The following NOS1 variants were observed in gnomAD, a reference collection of about 807,000 sequenced individuals.
NOS1 encodes nitric oxide synthase 1.
In NOS1, 51 loss-of-function variants were observed where a neutral mutation model predicts 164.5. That is an observed-to-expected ratio of 0.31 (90% CI 0.25 to 0.39). NOS1 has a LOEUF of 0.39. NOS1 is among the 10% of genes least tolerant of loss of function. NOS1 has a pLI of 1.00. For synonymous variants in NOS1, 719 were observed against 745.8 expected, an observed-to-expected ratio of 0.96 and a Z score of 0.59; for missense variants, 1,362 against 1,885.6, an observed-to-expected ratio of 0.72 and a Z score of 5.14.
intron 3 of NOS1, among the ~76,000 whole-genome samples, chr12:117,302,655 A>G (rs1473608062): frequency 4.0e-5 from 6 of 151,166 alleles, no homozygotes; most frequent in African/African-American, 7.3e-5. Context: ...TTGGCGCTGG[A>G]TTCCTGGCCT....
chr12:117,215,397 GA>G (rs760368121), intron 28 of NOS1, 73 bp from the exon 29 acceptor site: 602 of 1,429,566 alleles, frequency 4.2e-4, no homozygotes, highest in Non-Finnish European at 5.1e-4. Context: ...GTGCCCCAGA[GA>G]AAATCACCCA....
Position 117,240,011 on chromosome 12 carries a change from TCAAAACATTTG to T in NOS1, c.3041+2605_3041+2615del, listed in dbSNP as rs1361526985. On this transcript the variant is annotated intron_variant, in intron 20 of 28. Transcript: ENST00000317775. ...TTGGGACTTTTGGTTCCACTTAGTATCAAAACATTTGCAAGTTTCCTTACTACTTATGTACT... is the reference window on the plus strand; with the variant it reads ...TTGGGACTTTTGGTTCCACTTAGTATCAAGTTTCCTTACTACTTATGTACT... 2.6e-5 allele frequency among the ~76,000 whole-genome samples: 4 copies of T among 152,260 alleles called. No individual in the cohort carries two copies. In the East Asian group the frequency reaches 7.7e-4, roughly 29 times the overall value.
intron 2 of NOS1, among the ~76,000 whole-genome samples, chr12:117,321,492 A>G (rs552892245): frequency 3.9e-5 from 6 of 152,236 alleles, no homozygotes; most frequent in Non-Finnish European, 5.9e-5. Flanking sequence ...GGCTTATCCC[A>G]TGGCTCTTCC....
intron 4 of NOS1, among the ~76,000 whole-genome samples, chr12:117,289,951 C>A (rs9658330): frequency 9.9e-5 from 15 of 152,098 alleles, no homozygotes; most frequent in African/African-American, 2.2e-4. Flanking sequence ...GACTTTCCCC[C>A]CTCCCTGTGT....
intron 3 of NOS1, among the ~76,000 whole-genome samples, chr12:117,296,962 C>A (rs1873457820): frequency 6.6e-6 from 1 of 152,232 alleles, no homozygotes; most frequent in South Asian, 2.1e-4. Flanking sequence ...TGATCTTGGA[C>A]TTCCAACCCC....
chr12:117,313,443 C>T (rs529132138), intron 2 of NOS1, among the ~76,000 whole-genome samples: 57 of 152,080 alleles, frequency 3.7e-4, no homozygotes, highest in Non-Finnish European at 7.4e-4. Context: ...TACAGGCGTG[C>T]ACCACCCTGC....
chr12:117,293,678 CTACTTGTATTAT>C (rs1335313473), intron 3 of NOS1, among the ~76,000 whole-genome samples: 4 of 151,406 alleles, frequency 2.6e-5, no homozygotes, highest in African/African-American at 9.7e-5. Context: ...ATTATTATTA[CTACTTGTATTAT>C]TACTTGTATT....
In NOS1 at chr12:117,260,680, T is replaced by C. The variant is rs1335673997; in HGVS notation, c.2223-71A>G. 1.2e-5 allele frequency: 19 copies of C among 1,520,670 alleles called. No homozygotes were observed. The East Asian group carries it at 2.3e-4, about 18-fold the overall frequency. The allele number at this position is 1,520,670 out of a possible 1,614,324, so 94.2% of individuals were successfully genotyped here. On this transcript the variant is annotated intron_variant, in intron 13 of 28. Coordinates refer to ENST00000317775, the MANE Select transcript of NOS1 (RefSeq NM_000620.5). ...GAGAGAAGATGCTGGATTGGGACTTTCGTGCAAGAACCAGGATCCATGAAA... is the reference window on the plus strand; with the variant it reads ...GAGAGAAGATGCTGGATTGGGACTTCCGTGCAAGAACCAGGATCCATGAAA...
chr12:117,265,128 G>A (rs972006623), intron 12 of NOS1, among the ~76,000 whole-genome samples, 188 bp downstream of exon 12: 1 of 152,144 alleles, frequency 6.6e-6, no homozygotes, highest in Non-Finnish European at 1.5e-5. Flanking sequence ...TTATAGGCAT[G>A]AGCCATCATG....
At chr12:117,345,450 A>G (rs941927554) in intron 1 of NOS1, among the ~76,000 whole-genome samples, 12 of 152,208 alleles carry the variant, frequency 7.9e-5, no homozygotes, top group South Asian at 2.1e-4. Context: ...CTGAGGATCG[A>G]TAACAGGGTA....
intron 6 of NOS1, 70 bp downstream of exon 6, chr12:117,286,034 G>C: frequency 6.4e-7 from 1 of 1,553,412 alleles, no homozygotes; most frequent in Non-Finnish European, 8.8e-7. Flanking sequence ...CCTTTTTAAA[G>C]CTCCATCCAC....
chr12:117,268,756 AT>A (rs763731162), intron 10 of NOS1, among the ~76,000 whole-genome samples: 468 of 139,634 alleles, frequency 3.4e-3, no homozygotes, highest in Middle Eastern at 7.5e-3. Context: ...CGCCGGGCTA[AT>A]TTTTTTTTTT....
chr12:117,247,326 A>G, intron 18 of NOS1, 22 bp downstream of exon 18: 1 of 1,559,742 alleles, frequency 6.4e-7, no homozygotes, highest in Non-Finnish European at 8.7e-7. Flanking sequence ...TTTTTCCTGT[A>G]GGTCCATGAG....
In NOS1 at chr12:117,208,975, G is replaced by A. The variant is rs1041069916; in HGVS notation, c.*6334C>T. On this transcript the variant is annotated 3_prime_UTR_variant, in exon 29 of 29. Coordinates refer to ENST00000317775, the MANE Select transcript of NOS1 (RefSeq NM_000620.5). ...CAGCCTCAAGTGATCTGCCAGCCTCGGCCTCCCAAAGTCCTGTGATTACAG... is the reference window on the plus strand; with the variant it reads ...CAGCCTCAAGTGATCTGCCAGCCTCAGCCTCCCAAAGTCCTGTGATTACAG... 4.3e-6 allele frequency: 4 copies of A among 937,740 alleles called. No individual in the cohort carries two copies. Among genetic ancestry groups the A allele is most frequent in the Non-Finnish European group, 3.8e-6 (3 of 786,892 alleles). The allele number at this position is 937,740 out of a possible 1,614,324, so 58.1% of individuals were successfully genotyped here. A position where few individuals can be genotyped will look rare whatever the true frequency, so the allele number is the denominator to read the frequency against.
intron 17 of NOS1, among the ~76,000 whole-genome samples, chr12:117,249,034 G>A (rs2135962683): frequency 6.6e-6 from 1 of 152,230 alleles, no homozygotes; most frequent in Admixed American, 6.5e-5. Flanking sequence ...GCCCAATTTT[G>A]ATGGGGTTGT....
intron 16 of NOS1, among the ~76,000 whole-genome samples, chr12:117,256,284 G>GTTTTTTT (rs57047376): frequency 0.16 from 18,975 of 117,948 alleles, 2,538 homozygotes; most frequent in East Asian, 0.28. Context: ...GGGATTTTCT[G>GTTTTTTT]TTTTTTTTTT....
At chr12:117,227,843 A>C (rs1036871587) in intron 22 of NOS1, among the ~76,000 whole-genome samples, 2 of 152,168 alleles carry the variant, frequency 1.3e-5, no homozygotes, top group Admixed American at 6.6e-5. Flanking sequence ...CCTGGGAAAC[A>C]TAGTAAGACC....
chr12:117,302,767 A>G (rs1020156258), intron 3 of NOS1, among the ~76,000 whole-genome samples: 6 of 151,610 alleles, frequency 4.0e-5, no homozygotes, highest in Non-Finnish European at 5.9e-5. Context: ...TTTTTTTGAG[A>G]TAGGGTCTCA....
intron 28 of NOS1, among the ~76,000 whole-genome samples, chr12:117,216,341 C>T (rs1592918531): frequency 6.6e-6 from 1 of 151,950 alleles, no homozygotes; most frequent in African/African-American, 2.4e-5. Flanking sequence ...TGCCACGACG[C>T]TCGGCTAATT....
Sources: allele counts gnomAD v4.1 joint callset (sites outside exome capture counted in the v4.1 genomes callset), GRCh38; gene constraint gnomAD v4.1.1; transcripts MANE v1.5; gene names NCBI Gene and HGNC (gene_info 2026-07-23, HGNC 2026-07-21).